METTL16: variants seen among roughly 807,000 people sequenced by gnomAD.
METTL16 encodes RNA N(6)-adenosine-methyltransferase METTL16.
A neutral mutation model predicts 57.9 loss-of-function variants in METTL16; 19 were observed. The ratio of observed to expected loss-of-function variants is 0.33; its 90% confidence interval spans 0.23 to 0.48. METTL16 has a LOEUF of 0.48. Among genes scored for constraint, METTL16 ranks in the 20% least tolerant of loss-of-function variants. METTL16 has a pLI of 0.99. For synonymous variants in METTL16, 246 were observed against 255.6 expected (o/e 0.96, Z 0.36); for missense variants, 434 against 691.5 (o/e 0.63, Z 4.18).
At chr17:2,473,419 A>T in intron 4 of METTL16, 105 bp downstream of exon 4, 2 of 1,301,532 alleles carry the variant, frequency 1.5e-6, no homozygotes, top group South Asian at 1.8e-5. Flanking sequence ...AGATTTTTTT[A>T]AATTACCGAA....
intron 3 of METTL16, 138 bp downstream of exon 3, chr17:2,477,548 A>AT: frequency 1.5e-6 from 1 of 668,890 alleles, no homozygotes; most frequent in Admixed American, 2.8e-5. Context: ...GGATTTTCGG[A>AT]TTAAGGATGC....
intron 1 of METTL16, among the ~76,000 whole-genome samples, chr17:2,506,004 T>C (rs1316214127): frequency 6.6e-6 from 1 of 151,940 alleles, no homozygotes; most frequent in Non-Finnish European, 1.5e-5. Flanking sequence ...AGTCTCCCTC[T>C]GTCACCAGGC....
intron 6 of METTL16, among the ~76,000 whole-genome samples, chr17:2,461,364 C>CA (rs1010718845): frequency 1.3e-5 from 2 of 150,520 alleles, no homozygotes; most frequent in African/African-American, 4.9e-5. Context: ...GACTCTGTCT[C>CA]AAAAAAACAA....
chr17:2,464,868 G>A (rs2067179342), intron 5 of METTL16, among the ~76,000 whole-genome samples: 1 of 152,042 alleles, frequency 6.6e-6, no homozygotes, highest in Non-Finnish European at 1.5e-5. Context: ...GCTTGGATTA[G>A]GCAACGGTTT....
At chr17:2,435,491 C>T (rs1009730116) in intron 8 of METTL16, among the ~76,000 whole-genome samples, 2 of 152,126 alleles carry the variant, frequency 1.3e-5, no homozygotes, top group African/African-American at 4.8e-5. Context: ...TAAATAAAAA[C>T]CTCGTGAGTA....
chr17:2,419,233 A>G lies in METTL16; in HGVS notation c.*737T>C, dbSNP rs1007001379. ...CTTCAGATGTCCAAACAAAAATCAC[A>G]CAGTAGTAAAACTGCTACAAAATGG... On this transcript the variant is annotated 3_prime_UTR_variant, in exon 10 of 10. Coordinates refer to ENST00000263092, the MANE Select transcript of METTL16 (RefSeq NM_024086.4). 3.2e-5 allele frequency: 5 copies of G among 156,520 alleles called. No homozygotes were observed. Among genetic ancestry groups the G allele is most frequent in the African/African-American group, 1.2e-4 (5 of 41,480 alleles). The allele number at this position is 156,520 out of a possible 1,614,324, so 9.7% of individuals were successfully genotyped here. A position where few individuals can be genotyped will look rare whatever the true frequency, so the allele number is the denominator to read the frequency against.
chr17:2,431,451 T>C (rs1344016403), intron 8 of METTL16, among the ~76,000 whole-genome samples: 3 of 152,230 alleles, frequency 2.0e-5, no homozygotes, highest in Non-Finnish European at 4.4e-5. Context: ...ACAATGTTTG[T>C]GATACGTGTG....
intron 6 of METTL16, among the ~76,000 whole-genome samples, chr17:2,457,802 T>C (rs1019620423): frequency 2.0e-5 from 3 of 152,144 alleles, no homozygotes; most frequent in African/African-American, 7.2e-5. Context: ...ATAACCACTT[T>C]ATGAGATAGC....
chr17:2,433,573 T>C (rs997376532), intron 8 of METTL16, among the ~76,000 whole-genome samples: 1 of 152,190 alleles, frequency 6.6e-6, no homozygotes, highest in Non-Finnish European at 1.5e-5. Flanking sequence ...CATTAGGTGC[T>C]CAGGCTGTGA....
At chr17:2,473,275 A>G (rs2067246826) in intron 4 of METTL16, among the ~76,000 whole-genome samples, 1 of 152,238 alleles carries the variant, frequency 6.6e-6, no homozygotes, top group African/African-American at 2.4e-5. Context: ...AAATAAATGA[A>G]TGGATAAATA....
At chr17:2,506,638 A>G (rs1225114731) in intron 1 of METTL16, among the ~76,000 whole-genome samples, 1 of 150,946 alleles carries the variant, frequency 6.6e-6, no homozygotes, top group African/African-American at 2.4e-5. Flanking sequence ...GCTCGCTACA[A>G]CCTCCACCTC....
In METTL16 at chr17:2,459,449, C is replaced by T. The variant is rs547863589; in HGVS notation, c.728+4759G>A. Among the ~76,000 whole-genome samples the T allele has an allele frequency of 3.9e-5, 6 of 152,292 alleles. No homozygotes were observed. In the South Asian group the frequency reaches 8.3e-4, roughly 21 times the overall value. On this transcript the variant is annotated intron_variant, in intron 6 of 9. Coordinates refer to ENST00000263092, the MANE Select transcript of METTL16 (RefSeq NM_024086.4). ...TGAGACATGAACCTCCCAGGGGAGG[C>T]GAGGCATCACAAGCGCCATCCTGAG... is the stretch of plus-strand genomic sequence containing the variant.
At chr17:2,425,495 G>A (rs1337207762) in intron 8 of METTL16, among the ~76,000 whole-genome samples, 1 of 152,184 alleles carries the variant, frequency 6.6e-6, no homozygotes, top group Admixed American at 6.5e-5. Context: ...TAGGTCTGCA[G>A]AGACCACAGG....
At chr17:2,433,974 G>A (rs1341452393) in intron 8 of METTL16, among the ~76,000 whole-genome samples, 1 of 152,100 alleles carries the variant, frequency 6.6e-6, no homozygotes, top group South Asian at 2.1e-4. Flanking sequence ...GCTGCAGATC[G>A]GGATCAATAG....
intron 6 of METTL16, among the ~76,000 whole-genome samples, chr17:2,459,164 A>T (rs2067131230): frequency 6.6e-6 from 1 of 152,184 alleles, no homozygotes; most frequent in African/African-American, 2.4e-5. Flanking sequence ...AGGCACAAAA[A>T]GCCAAAGTAA....
intron 2 of METTL16, among the ~76,000 whole-genome samples, chr17:2,483,563 C>T (rs1411720789): frequency 6.6e-6 from 1 of 151,990 alleles, no homozygotes; most frequent in Non-Finnish European, 1.5e-5. Context: ...TTTATGGGGG[C>T]TAATAAAAGA....
intron 8 of METTL16, among the ~76,000 whole-genome samples, chr17:2,437,017 G>C (rs1478646659): frequency 6.6e-6 from 1 of 151,934 alleles, no homozygotes; most frequent in Non-Finnish European, 1.5e-5. Context: ...CAGCAGCTGG[G>C]ACTACAGGCA....
Position 2,465,461 on chromosome 17 carries a change from C to T in METTL16, c.586-1111G>A, listed in dbSNP as rs191071021. On this transcript the variant is annotated intron_variant, in intron 5 of 9. Transcript: ENST00000263092. ...ACTCGGGGGGCTGAGGCAGGAGAAT[C>T]GCTTGAATCCAGGAGGCAGAGGTTG... is the stretch of plus-strand genomic sequence containing the variant. 1.5e-3 allele frequency among the ~76,000 whole-genome samples: 223 copies of T among 148,146 alleles called. 1 individual carries two copies. Among genetic ancestry groups the T allele is most frequent in the African/African-American group, 5.4e-3 (214 of 39,952 alleles).
Position 2,468,901 on chromosome 17 carries a change from T to G in METTL16, c.470-1025A>C, listed in dbSNP as rs542825570. On this transcript the variant is annotated intron_variant, in intron 4 of 9. Coordinates refer to ENST00000263092, the MANE Select transcript of METTL16 (RefSeq NM_024086.4). ...AGACCCTGTCTCTAATAAAAAAATG[T>G]TTTTTTTTTGTTGTTGTGTGTGTGT... Among the ~76,000 whole-genome samples, 34 of 137,798 alleles carry G rather than the reference T, an allele frequency of 2.5e-4. 1 individual carries two copies. In the South Asian group the frequency reaches 6.4e-3, roughly 26 times the overall value. 90.4% of individuals were successfully genotyped at this position (137,798 alleles called of 152,430 possible). A position where few individuals can be genotyped will look rare whatever the true frequency, so the allele number is the denominator to read the frequency against.
Sources: gnomAD v4.1 joint callset for allele counts (sites outside exome capture counted in the v4.1 genomes callset) on GRCh38, gnomAD v4.1.1 for gene constraint, MANE v1.5 for transcripts, NCBI Gene and HGNC (gene_info 2026-07-23, HGNC 2026-07-21) for gene names.